Variants in KCTD16 observed in about 807,000 individuals in gnomAD.
KCTD16 encodes BTB/POZ domain-containing protein KCTD16.
A neutral mutation model predicts 33.2 loss-of-function variants in KCTD16; 13 were observed. The ratio of observed to expected loss-of-function variants is 0.39; its 90% CI spans 0.25 to 0.62. The LOEUF (loss-of-function observed/expected upper bound fraction) is 0.62, where lower values mean the gene tolerates loss of function less well. KCTD16 is among the 20% of genes least tolerant of loss of function. The probability of loss-of-function intolerance (pLI) is 0.50; values close to 1 mark genes in which losing one functional copy is unlikely to be tolerated. For synonymous variants in KCTD16, 197 were observed against 195.3 expected (o/e 1.01, Z -0.07); for missense variants, 441 against 525.1 (o/e 0.84, Z 1.57).
intron 3 of KCTD16, among the ~76,000 whole-genome samples, chr5:144,398,216 C>T (rs187231141): frequency 3.0e-4 from 45 of 152,214 alleles, no homozygotes; most frequent in Non-Finnish European, 5.3e-4. Flanking sequence ...CTAGTAGTGA[C>T]TAGGTACTTT....
chr5:144,264,499 G>A (rs1755090930), intron 3 of KCTD16, among the ~76,000 whole-genome samples: 1 of 152,126 alleles, frequency 6.6e-6, no homozygotes, highest in South Asian at 2.1e-4. Context: ...GTCTGGAGTG[G>A]TGACTATAAT....
At chr5:144,417,644 T>C (rs1227495492) in intron 3 of KCTD16, among the ~76,000 whole-genome samples, 6 of 152,166 alleles carry the variant, frequency 3.9e-5, no homozygotes, top group East Asian at 1.9e-4. Flanking sequence ...TTTGTTTTTG[T>C]TTTTGCTTTT....
At chr5:144,467,042 AAT>A (rs1034690383) in intron 3 of KCTD16, among the ~76,000 whole-genome samples, 2 of 59,948 alleles carry the variant, frequency 3.3e-5, no homozygotes, top group Non-Finnish European at 7.4e-5. Flanking sequence ...TATTATATAT[AAT>A]ATATATAACA....
At chr5:144,298,924 G>C (rs1756122063) in intron 3 of KCTD16, among the ~76,000 whole-genome samples, 1 of 148,476 alleles carries the variant, frequency 6.7e-6, no homozygotes, top group Admixed American at 6.8e-5. Context: ...GCCTCTCCAG[G>C]CTTCTTTCAC....
chr5:144,368,097 C>G (rs1365392300), intron 3 of KCTD16, among the ~76,000 whole-genome samples: 1 of 151,894 alleles, frequency 6.6e-6, no homozygotes, highest in African/African-American at 2.4e-5. Flanking sequence ...AGTTGCACTC[C>G]CTTGTAGAGG....
intron 3 of KCTD16, among the ~76,000 whole-genome samples, chr5:144,373,053 A>G (rs1219963112): frequency 2.6e-5 from 4 of 152,048 alleles, no homozygotes; most frequent in Non-Finnish European, 5.9e-5. Flanking sequence ...GAATGGGAGA[A>G]TTTGGTGTGA....
intron 3 of KCTD16, among the ~76,000 whole-genome samples, chr5:144,295,418 A>G (rs1431579712): frequency 1.3e-5 from 2 of 152,216 alleles, no homozygotes; most frequent in African/African-American, 2.4e-5. Context: ...GGAAAGCAGA[A>G]TGAGAAAGCA....
intron 3 of KCTD16, among the ~76,000 whole-genome samples, chr5:144,325,006 T>G (rs535848032): frequency 6.6e-6 from 1 of 152,302 alleles, no homozygotes; most frequent in East Asian, 1.9e-4. Flanking sequence ...GTTGATAGGT[T>G]CTGCAAACCC....
At chr5:144,327,466 T>C (rs1039971423) in intron 3 of KCTD16, among the ~76,000 whole-genome samples, 3 of 152,142 alleles carry the variant, frequency 2.0e-5, no homozygotes, top group African/African-American at 7.2e-5. Context: ...CTTCTTCCTG[T>C]TTCCATGGTA....
chr5:144,316,241 A>T (rs1751909349), intron 3 of KCTD16, among the ~76,000 whole-genome samples: 1 of 152,142 alleles, frequency 6.6e-6, no homozygotes, highest in Non-Finnish European at 1.5e-5. Context: ...CTAAGCATTC[A>T]GCACTGCCCT....
chr5:144,342,660 T>C (rs1752677596), intron 3 of KCTD16, among the ~76,000 whole-genome samples: 1 of 152,204 alleles, frequency 6.6e-6, no homozygotes, highest in Non-Finnish European at 1.5e-5. Flanking sequence ...TTGTGCCAGT[T>C]TTCAAAGGGA....
At chr5:144,204,195 C>G (rs1032287958) in intron 2 of KCTD16, among the ~76,000 whole-genome samples, 6 of 152,176 alleles carry the variant, frequency 3.9e-5, no homozygotes, top group Admixed American at 2.0e-4. Context: ...GCAATAAACA[C>G]GTTTCTCATA....
intron 3 of KCTD16, among the ~76,000 whole-genome samples, chr5:144,373,435 G>A (rs1752014365): frequency 6.6e-6 from 1 of 152,128 alleles, no homozygotes. Flanking sequence ...TTCAGCTTGT[G>A]AAAATAGTAT....
intron 3 of KCTD16, among the ~76,000 whole-genome samples, chr5:144,440,257 T>G (rs1753674104): frequency 6.6e-6 from 1 of 152,178 alleles, no homozygotes; most frequent in Non-Finnish European, 1.5e-5. Flanking sequence ...AACTATGGAG[T>G]TTCTCACAGT....
chr5:144,181,901 C>A lies in KCTD16; in HGVS notation c.-327+7429C>A, dbSNP rs370985338. ...CTGAGGTCAGGAGTTTGAGACCAGG[C>A]TGGCCAAGATGACAAAACCCCATCT... On this transcript the variant is annotated intron_variant, in intron 2 of 3. Transcript: ENST00000512467. Among the ~76,000 whole-genome samples the A allele has an allele frequency of 1.8e-4, 27 of 152,156 alleles. No individual in the cohort carries two copies. The South Asian group carries it at 5.0e-3, about 28-fold the overall frequency.
intron 3 of KCTD16, among the ~76,000 whole-genome samples, chr5:144,442,875 G>A (rs1753743923): frequency 6.6e-6 from 1 of 152,064 alleles, no homozygotes; most frequent in Non-Finnish European, 1.5e-5. Flanking sequence ...AGGGATACAA[G>A]TGGAAGTCCC....
Position 144,439,949 on chromosome 5 carries a change from T to TA in KCTD16, c.833-33698dup, listed in dbSNP as rs549445281. 5.6e-3 allele frequency among the ~76,000 whole-genome samples: 769 copies of TA among 138,546 alleles called. 1 individual carries two copies. Among genetic ancestry groups the TA allele is most frequent in the Non-Finnish European group, 7.6e-3 (478 of 62,728 alleles). 90.9% of individuals were successfully genotyped at this position (138,546 alleles called of 152,430 possible). ...GATTAAAGAGAAAGTTTTCATAATC[T>TA]AAAAAAAAAAAAACATATTTAAAAA... On this transcript the variant is annotated intron_variant, in intron 3 of 3. Transcript: ENST00000512467.
At chr5:144,274,181 C>G (rs936395341) in intron 3 of KCTD16, among the ~76,000 whole-genome samples, 6 of 150,360 alleles carry the variant, frequency 4.0e-5, no homozygotes, top group African/African-American at 9.8e-5. Flanking sequence ...TCTTTTTATC[C>G]TTCTCTTTTT....
chr5:144,449,513 G>A (rs192850210), intron 3 of KCTD16, among the ~76,000 whole-genome samples: 45 of 151,940 alleles, frequency 3.0e-4, no homozygotes, highest in African/African-American at 1.0e-3. Context: ...TGTAACAAAC[G>A]TGCACACATA....
Sources: gnomAD v4.1 joint callset for allele counts (sites outside exome capture counted in the v4.1 genomes callset) on GRCh38, gnomAD v4.1.1 for gene constraint, MANE v1.5 for transcripts, NCBI Gene and HGNC (gene_info 2026-07-23, HGNC 2026-07-21) for gene names.